The following SLC68A1 variants were observed in gnomAD, a reference collection of about 807,000 sequenced individuals.
SLC68A1 encodes solute carrier family 68 member 1.
At chr10:102,471,905 G>C in the SLC68A1 span, 178,699 of 364,138 alleles carry the variant, frequency 0.49, 45,390 homozygotes, top group Middle Eastern at 0.6. Flanking sequence ...TGTGATCTTA[G>C]GCAGGTCTCA....
At chr10:102,465,029 C>T in the SLC68A1 span, among the ~76,000 whole-genome samples, 4 of 151,166 alleles carry the variant, frequency 2.6e-5, no homozygotes, top group African/African-American at 9.7e-5. Context: ...CCGAGGCAGG[C>T]GGATCACAAG....
chr10:102,464,775 G>A, the SLC68A1 span, among the ~76,000 whole-genome samples: 3 of 128,412 alleles, frequency 2.3e-5, no homozygotes, highest in East Asian at 4.5e-4. Context: ...GGGCAACAGA[G>A]CGAGACTCTG....
the SLC68A1 span, among the ~76,000 whole-genome samples, chr10:102,473,293 A>G: frequency 5.3e-5 from 8 of 151,988 alleles, no homozygotes; most frequent in African/African-American, 1.9e-4. Context: ...ATATCATCTG[A>G]TGGGCCTGGG....
the SLC68A1 span, chr10:102,475,590 T>G: frequency 9.5e-7 from 1 of 1,047,512 alleles, no homozygotes; most frequent in Non-Finnish European, 1.4e-6. Flanking sequence ...GAGGAGTGGG[T>G]TTGGAGGAAT....
the SLC68A1 span, among the ~76,000 whole-genome samples, chr10:102,464,095 C>T: frequency 6.6e-6 from 1 of 152,172 alleles, no homozygotes; most frequent in Non-Finnish European, 1.5e-5. Flanking sequence ...ATCCTTCTGT[C>T]TTGGCCTTCC....
At chr10:102,475,298 CA>C in the SLC68A1 span, among the ~76,000 whole-genome samples, 36 of 146,108 alleles carry the variant, frequency 2.5e-4, no homozygotes, top group East Asian at 8.2e-4. Context: ...TCCCTCTTTC[CA>C]AAAAAAAAAA....
the SLC68A1 span, chr10:102,476,113 A>AG: frequency 2.9e-6 from 4 of 1,369,370 alleles, no homozygotes; most frequent in Non-Finnish European, 3.8e-6. Context: ...GCCCAAAAAA[A>AG]TGGATCTGTT....
the SLC68A1 span, among the ~76,000 whole-genome samples, chr10:102,475,283 G>A: frequency 2.1e-5 from 3 of 140,942 alleles, no homozygotes; most frequent in Non-Finnish European, 3.1e-5. Flanking sequence ...GTGACAGAGC[G>A]AGACTCCCTC....
the SLC68A1 span, chr10:102,475,735 C>T: frequency 1.4e-4 from 217 of 1,601,302 alleles, no homozygotes; most frequent in Non-Finnish European, 1.8e-4. Flanking sequence ...ATGACCTCTT[C>T]CAGCAGTCCC....
the SLC68A1 span, among the ~76,000 whole-genome samples, chr10:102,474,437 A>G: frequency 6.6e-6 from 1 of 152,124 alleles, no homozygotes; most frequent in Admixed American, 6.5e-5. Flanking sequence ...TTATCAGGGA[A>G]GGCCTCTCCG....
At chr10:102,467,497 T>A in the SLC68A1 span, among the ~76,000 whole-genome samples, 6 of 152,216 alleles carry the variant, frequency 3.9e-5, no homozygotes, top group Non-Finnish European at 8.8e-5. Flanking sequence ...GTTTAGTGTT[T>A]GTCAATTAGA....
At chr10:102,474,171 G>C in the SLC68A1 span, among the ~76,000 whole-genome samples, 1 of 152,254 alleles carries the variant, frequency 6.6e-6, no homozygotes, top group African/African-American at 2.4e-5. Flanking sequence ...ATTCCGCCAT[G>C]CTTTCTTAGT....
the SLC68A1 span, chr10:102,471,925 G>A: frequency 2.5e-6 from 1 of 405,908 alleles, no homozygotes; most frequent in South Asian, 1.7e-5. Flanking sequence ...AGGCTCTCTG[G>A]GTAGCCCTGT....
chr10:102,474,180 G>C, the SLC68A1 span, among the ~76,000 whole-genome samples: 5 of 152,224 alleles, frequency 3.3e-5, no homozygotes, highest in Admixed American at 1.3e-4. Flanking sequence ...TGCTTTCTTA[G>C]TTCATTCATT....
At chr10:102,473,643 G>A in the SLC68A1 span, 10 of 1,613,976 alleles carry the variant, frequency 6.2e-6, no homozygotes, top group East Asian at 4.5e-5. Flanking sequence ...GCGTCTACGC[G>A]GTGGTGCGGG....
chr10:102,470,085 T>C, the SLC68A1 span: 1 of 1,613,086 alleles, frequency 6.2e-7, no homozygotes, highest in Non-Finnish European at 8.5e-7. Context: ...GGTTGGTGTA[T>C]TGGGAACAGC....
At chr10:102,468,088 C>A in the SLC68A1 span, among the ~76,000 whole-genome samples, 1 of 152,086 alleles carries the variant, frequency 6.6e-6, no homozygotes, top group Non-Finnish European at 1.5e-5. Context: ...GGAGCCCTAG[C>A]CAGGGACCAC....
chr10:102,462,595 G>A, the SLC68A1 span, among the ~76,000 whole-genome samples: 1 of 152,108 alleles, frequency 6.6e-6, no homozygotes, highest in Non-Finnish European at 1.5e-5. Flanking sequence ...TCCCTTTCTA[G>A]TCTTTACCTA....
chr10:102,470,087 G>C, the SLC68A1 span: 1 of 1,612,862 alleles, frequency 6.2e-7, no homozygotes, highest in Non-Finnish European at 8.5e-7. Flanking sequence ...TTGGTGTATT[G>C]GGAACAGCTC....
Sources: allele counts gnomAD v4.1 joint callset (sites outside exome capture counted in the v4.1 genomes callset), GRCh38; gene constraint gnomAD v4.1.1; transcripts MANE v1.5; gene names NCBI Gene and HGNC (gene_info 2026-07-23, HGNC 2026-07-21).